Variants in MARCKSL1 observed in about 807,000 individuals in gnomAD.
The protein encoded by MARCKSL1 is MARCKS-related protein.
In MARCKSL1, 5 loss-of-function variants were observed where a neutral mutation model predicts 13.3. The observed-to-expected ratio is 0.38, with a 90% CI of 0.20 to 0.79. The LOEUF is 0.79. MARCKSL1 is among the 30% of genes least tolerant of loss of function. MARCKSL1 has a pLI of 0.45. For synonymous variants in MARCKSL1, 126 were observed against 103.2 expected (o/e 1.22, Z -1.34); for missense variants, 274 against 251.6 (o/e 1.09, Z -0.60).
In MARCKSL1 at chr1:32,334,882, G is replaced by C. The variant is rs753131596; in HGVS notation, c.303C>G (p.Ser101Arg). Reference protein sequence around the residue: ...KFSFKKPFKLSGLSFKRNRKE... With the variant: ...KFSFKKPFKLRGLSFKRNRKE... ...TCCGATTTCTCTTGAAGGACAGGCC[G>C]CTCAATTTGAAAGGCTTCTTGAAAG... The change falls in exon 2 of 2, where the codon AGC (serine) becomes AGG (arginine). Residue 101 changes from serine to arginine, a missense_variant. By Grantham distance (110) the Ser-to-Arg change is moderately radical (BLOSUM62 -1). Transcript: ENST00000329421. The C allele has an allele frequency of 2.5e-6, 4 of 1,612,344 alleles. No individual in the cohort carries two copies. Among genetic ancestry groups the C allele is most frequent in the Non-Finnish European group, 3.4e-6 (4 of 1,179,960 alleles).
rs8176777 is a variant in MARCKSL1 at position 32,335,105 on chromosome 1, G to A, written c.88-8C>T. The stretch of plus-strand genomic sequence containing the variant: ...TTTCACGTGGCCATTCTCCTGCAGG[G>A]CAGAGGGAATAGCAATGAGGGCAGG... On this transcript the variant is annotated splice_polypyrimidine_tract_variant and splice_region_variant and intron_variant, in intron 1 of 1. Coordinates refer to ENST00000329421, the MANE Select transcript of MARCKSL1 (RefSeq NM_023009.7). This position sits in a 1 kb window ranked among gnomAD's most constrained non-coding sequence, Gnocchi z 4.1. The A allele has an allele frequency of 6.7e-3, 10,171 of 1,519,726 alleles. 41 individuals carry two copies. Among genetic ancestry groups the A allele is most frequent in the Non-Finnish European group, 8.1e-3 (9,151 of 1,135,614 alleles). The allele number at this position is 1,519,726 out of a possible 1,614,324, so 94.1% of individuals were successfully genotyped here.
Position 32,334,632 on chromosome 1 carries a change from C to A in MARCKSL1, c.553G>T (p.Gly185Cys). ...EPSTPSGPES[G>C]PTPASAEQNE is the part of the protein sequence containing the mutation. Reference sequence around the variant, plus strand: ...TGCTCAGCGCTGGCTGGTGTAGGGCCACTCTCCGGCCCCGAGGGAGTGGAT... The same window carrying A: ...TGCTCAGCGCTGGCTGGTGTAGGGCAACTCTCCGGCCCCGAGGGAGTGGAT... Residue 185 changes from glycine (G) to cysteine (C), a missense_variant, in exon 2 of 2, where the codon GGC becomes TGC. By Grantham distance (159) the Gly-to-Cys change is radical (BLOSUM62 -3). Coordinates refer to ENST00000329421, the MANE Select transcript of MARCKSL1 (RefSeq NM_023009.7). The A allele has an allele frequency of 6.3e-7, 1 of 1,591,050 alleles. No homozygotes were observed. The highest frequency in any genetic ancestry group is 8.6e-7 in the Non-Finnish European group (1 of 1,168,898).
In MARCKSL1 at chr1:32,335,242, G is replaced by T; in HGVS notation, c.88-145C>A. ...CAGCCTCACCCACACCCAGGATCCC[G>T]TCAAACACCTCCCTCTCGCCCCTCA... is the stretch of plus-strand genomic sequence containing the variant. On this transcript the variant is annotated intron_variant, in intron 1 of 1. Transcript: ENST00000329421. This position sits in a 1 kb window ranked among gnomAD's most constrained non-coding sequence, Gnocchi z 4.1. 1 of 917,918 alleles carries T rather than the reference G, an allele frequency of 1.1e-6. No homozygotes were observed. The highest frequency in any genetic ancestry group is 1.5e-6 in the Non-Finnish European group (1 of 684,830). The allele number at this position is 917,918 out of a possible 1,614,324, so 56.9% of individuals were successfully genotyped here.
At position 32,334,567 on chromosome 1, in the gene MARCKSL1, C is replaced by G; in HGVS notation, c.*30G>C. 1 of 1,514,662 alleles carries G rather than the reference C, an allele frequency of 6.6e-7. No individual in the cohort carries two copies. Among genetic ancestry groups the G allele is most frequent in the East Asian group, 2.3e-5 (1 of 43,570 alleles). The allele number at this position is 1,514,662 out of a possible 1,614,324, so 93.8% of individuals were successfully genotyped here. A position where few individuals can be genotyped will look rare whatever the true frequency, so the allele number is the denominator to read the frequency against. On this transcript the variant is annotated 3_prime_UTR_variant, in exon 2 of 2. Transcript: ENST00000329421. ...CACAAGGACAGCACAGTTTTTGCAG[C>G]TTAGAGATCACCCACCTGCCCCTAC...
In MARCKSL1 at chr1:32,334,891, GAA is replaced by G; in HGVS notation, c.292_293del (p.Phe98GlnfsTer17). The G allele has an allele frequency of 6.2e-7, 1 of 1,612,520 alleles. No homozygotes were observed. The highest frequency in any genetic ancestry group is 8.5e-7 in the Non-Finnish European group (1 of 1,179,996). ...KKKKFSFKKPFKLSGLSFKRN... is the reference protein window; with the variant it reads ...KKKKFSFKKPXKLSGLSFKRN... ...TCTTGAAGGACAGGCCGCTCAATTTGAAAGGCTTCTTGAAAGAGAATTTCTTC... is the reference window on the plus strand; with the variant it reads ...TCTTGAAGGACAGGCCGCTCAATTTGAGGCTTCTTGAAAGAGAATTTCTTC... On this transcript the variant is annotated frameshift_variant, in exon 2 of 2. Coordinates refer to ENST00000329421, the MANE Select transcript of MARCKSL1 (RefSeq NM_023009.7). LOFTEE classifies it high-confidence loss of function.
In MARCKSL1 at chr1:32,333,934, C is replaced by G. The variant is rs1350594258; in HGVS notation, c.*663G>C. On this transcript the variant is annotated 3_prime_UTR_variant, in exon 2 of 2. Transcript: ENST00000329421. ...TTAGAAAAAAAAAAAAAGTACAAAT[C>G]TGGGGTTTGGCCATTAAAAGTTATT... The G allele has an allele frequency of 6.6e-6, 1 of 151,982 alleles. No homozygotes were observed. Among genetic ancestry groups the G allele is most frequent in the Non-Finnish European group, 1.5e-5 (1 of 67,922 alleles). The allele number at this position is 151,982 out of a possible 1,614,324, so 9.4% of individuals were successfully genotyped here.
Position 32,334,327 on chromosome 1 carries a change from G to C in MARCKSL1, c.*270C>G. 2.7e-6 allele frequency: 1 copy of C among 366,200 alleles called. No homozygotes were observed. Among genetic ancestry groups the C allele is most frequent in the Middle Eastern group, 6.9e-4 (1 of 1,442 alleles). The allele number at this position is 366,200 out of a possible 1,614,324, so 22.7% of individuals were successfully genotyped here. ...ATGCAGGGGTGGGGACAGGGAAGGA[G>C]GTAGGGCCAGGGACAGGAGCATTTC... On this transcript the variant is annotated 3_prime_UTR_variant, in exon 2 of 2. Coordinates refer to ENST00000329421, the MANE Select transcript of MARCKSL1 (RefSeq NM_023009.7).
chr1:32,334,724 G>C lies in MARCKSL1; in HGVS notation c.461C>G (p.Pro154Arg). The C allele has an allele frequency of 3.7e-6, 6 of 1,612,474 alleles. No individual in the cohort carries two copies. Among genetic ancestry groups the C allele is most frequent in the South Asian group, 1.1e-5 (1 of 90,992 alleles). ...KAAATPESQE[P>R]QAKGAEASAA... is the part of the protein sequence containing the mutation. The stretch of plus-strand genomic sequence containing the variant: ...ACTAGCCTCTGCCCCCTTGGCCTGG[G>C]GTTCCTGGCTCTCAGGGGTGGCTGC... Residue 154 changes from proline (P) to arginine (R), a missense_variant, in exon 2 of 2, where the codon CCC (proline) becomes CGC (arginine). Transcript: ENST00000329421.
Position 32,335,935 on chromosome 1 carries a change from A to C in MARCKSL1, c.87+12T>G, listed in dbSNP as rs1332496001. Reference sequence around the variant, plus strand: ...AGGAGGGGCTGGGGCCGGCCGGGCCAAGCGTACCCACCTGGCCGTTGGCCT... The same window carrying C: ...AGGAGGGGCTGGGGCCGGCCGGGCCCAGCGTACCCACCTGGCCGTTGGCCT... On this transcript the variant is annotated intron_variant, in intron 1 of 1. Coordinates refer to ENST00000329421, the MANE Select transcript of MARCKSL1 (RefSeq NM_023009.7). This position sits in a 1 kb window ranked among gnomAD's most constrained non-coding sequence, Gnocchi z 4.1. The C allele has an allele frequency of 7.8e-7, 1 of 1,283,040 alleles. No individual in the cohort carries two copies. Among genetic ancestry groups the C allele is most frequent in the Non-Finnish European group, 9.9e-7 (1 of 1,010,224 alleles). The allele number at this position is 1,283,040 out of a possible 1,614,324, so 79.5% of individuals were successfully genotyped here.
Position 32,335,877 on chromosome 1 carries a change from C to T in MARCKSL1, c.87+70G>A, listed in dbSNP as rs1570050319. The T allele has an allele frequency of 4.2e-6, 4 of 954,760 alleles. No individual in the cohort carries two copies. The highest frequency in any genetic ancestry group is 6.8e-5 in the East Asian group (2 of 29,606). 59.1% of individuals were successfully genotyped at this position (954,760 alleles called of 1,614,324 possible). ...CGGACAAAGCGCGCGGCCCCGGCCC[C>T]GGCCCCGGGCCCTAGAAGGGGCGAG... On this transcript the variant is annotated intron_variant, in intron 1 of 1. Coordinates refer to ENST00000329421, the MANE Select transcript of MARCKSL1 (RefSeq NM_023009.7). The surrounding 1 kb of genome is among the most constrained non-coding windows in gnomAD (Gnocchi z 4.1).
Position 32,334,531 on chromosome 1 carries a change from G to A in MARCKSL1, c.*66C>T, listed in dbSNP as rs1479841502. 7 of 1,476,010 alleles carry A rather than the reference G, an allele frequency of 4.7e-6. No individual in the cohort carries two copies. The highest frequency in any genetic ancestry group is 2.6e-4 in the Middle Eastern group (1 of 3,890). 91.4% of individuals were successfully genotyped at this position (1,476,010 alleles called of 1,614,324 possible). On this transcript the variant is annotated 3_prime_UTR_variant, in exon 2 of 2. Coordinates refer to ENST00000329421, the MANE Select transcript of MARCKSL1 (RefSeq NM_023009.7). ...GAAGGCAGCCAGGGCACCAGGTCCAGGCAGTGACCTCACAAGGACAGCACA... is the reference window on the plus strand; with the variant it reads ...GAAGGCAGCCAGGGCACCAGGTCCAAGCAGTGACCTCACAAGGACAGCACA...
rs773396965 is a variant in MARCKSL1 at position 32,335,150 on chromosome 1, C to T, written c.88-53G>A. The T allele has an allele frequency of 8.0e-5, 119 of 1,490,076 alleles. No homozygotes were observed. The highest frequency in any genetic ancestry group is 9.5e-5 in the Non-Finnish European group (107 of 1,121,454). The allele number at this position is 1,490,076 out of a possible 1,614,324, so 92.3% of individuals were successfully genotyped here. Reference sequence around the variant, plus strand: ...GGCAGGGGCTCCCCCTCCCCCAGCCCGCTTCTGATCCCTTCTAGAGGAAGG... The same window carrying T: ...GGCAGGGGCTCCCCCTCCCCCAGCCTGCTTCTGATCCCTTCTAGAGGAAGG... On this transcript the variant is annotated intron_variant, in intron 1 of 1. Transcript: ENST00000329421. This position sits in a 1 kb window ranked among gnomAD's most constrained non-coding sequence, Gnocchi z 4.1.
chr1:32,335,152 C>A lies in MARCKSL1; in HGVS notation c.88-55G>T. On this transcript the variant is annotated intron_variant, in intron 1 of 1. Transcript: ENST00000329421. The surrounding 1 kb of genome is among the most constrained non-coding windows in gnomAD (Gnocchi z 4.1). The stretch of plus-strand genomic sequence containing the variant: ...CAGGGGCTCCCCCTCCCCCAGCCCG[C>A]TTCTGATCCCTTCTAGAGGAAGGGG... 1.3e-6 allele frequency: 2 copies of A among 1,488,974 alleles called. No homozygotes were observed. The highest frequency in any genetic ancestry group is 1.8e-6 in the Non-Finnish European group (2 of 1,121,248). 92.2% of individuals were successfully genotyped at this position (1,488,974 alleles called of 1,614,324 possible). A position where few individuals can be genotyped will look rare whatever the true frequency, so the allele number is the denominator to read the frequency against.
rs1161099295 is a variant in MARCKSL1 at position 32,335,969 on chromosome 1, G to A, written c.65C>T (p.Ser22Phe). 4 of 1,294,644 alleles carry A rather than the reference G, an allele frequency of 3.1e-6. No homozygotes were observed. Among genetic ancestry groups the A allele is most frequent in the Admixed American group, 3.1e-5 (1 of 32,312 alleles). The allele number at this position is 1,294,644 out of a possible 1,614,324, so 80.2% of individuals were successfully genotyped here. Residue 22 changes from serine to phenylalanine, a missense_variant, in exon 1 of 2, where the codon TCC (serine) becomes TTC (phenylalanine). By Grantham distance (155) the Ser-to-Phe change is radical. Coordinates refer to ENST00000329421, the MANE Select transcript of MARCKSL1 (RefSeq NM_023009.7). This position sits in a 1 kb window ranked among gnomAD's most constrained non-coding sequence, Gnocchi z 4.1. ...DVTAEEAAGA[S>F]PAKANGQENG... ...CACCTGGCCGTTGGCCTTCGCGGGG[G>A]AAGCGCCTGCTGCCTCCTCGGCGGT...
chr1:32,335,010 C>A lies in MARCKSL1; in HGVS notation c.175G>T (p.Gly59Trp). The change falls in exon 2 of 2, where the codon GGG (glycine) becomes TGG (tryptophan). Residue 59 changes from glycine (G) to tryptophan (W), a missense_variant. Gly to Trp is a radical substitution (Grantham distance 184). Coordinates refer to ENST00000329421, the MANE Select transcript of MARCKSL1 (RefSeq NM_023009.7). This position sits in a 1 kb window ranked among gnomAD's most constrained non-coding sequence, Gnocchi z 4.1. ...PPVNGTDEAA[G>W]ATGDAIEPAP... is the part of the protein sequence containing the mutation. ...GGCTCGATGGCATCGCCAGTGGCCC[C>A]GGCTGCCTCATCTGTTCCGTTCACA... 1 of 1,603,440 alleles carries A rather than the reference C, an allele frequency of 6.2e-7. No homozygotes were observed. Among genetic ancestry groups the A allele is most frequent in the Admixed American group, 1.7e-5 (1 of 58,108 alleles).
chr1:32,334,592 CCTAG>C lies in MARCKSL1; in HGVS notation c.*1_*4del. The C allele has an allele frequency of 1.3e-6, 2 of 1,530,370 alleles. No individual in the cohort carries two copies. Among genetic ancestry groups the C allele is most frequent in the Non-Finnish European group, 1.8e-6 (2 of 1,139,006 alleles). 94.8% of individuals were successfully genotyped at this position (1,530,370 alleles called of 1,614,324 possible). On this transcript the variant is annotated 3_prime_UTR_variant, in exon 2 of 2. Transcript: ENST00000329421. ...CTTAGAGATCACCCACCTGCCCCTA[CCTAG>C]CTACTCATTCTGCTCAGCGCTGGCT...
rs749563695 is a variant in MARCKSL1, at chr1:32,334,938, T to TG, written c.246dup (p.Lys83GlnfsTer33). The TG allele has an allele frequency of 4.3e-6, 7 of 1,612,256 alleles. No homozygotes were observed. On this transcript the variant is annotated frameshift_variant, in exon 2 of 2. Transcript: ENST00000329421. LOFTEE classifies it high-confidence loss of function. ...TTCTTCTTCTTCTTGGGGGTCTCCT[T>TG]GGGGGGGACCTCCCCCTTGGCCTCA...
At position 32,334,736 on chromosome 1, in the gene MARCKSL1, T is replaced by C. The variant is rs752632459; in HGVS notation, c.449A>G (p.Glu150Gly). Residue 150 changes from glutamate (E) to glycine (G), a missense_variant, in exon 2 of 2, where the codon GAG becomes GGG. Transcript: ENST00000329421. ...CCCCTTGGCCTGGGGTTCCTGGCTC[T>C]CAGGGGTGGCTGCGGCCTTCCCTTC... ...AQEGKAAATP[E>G]SQEPQAKGAE... is the part of the protein sequence containing the mutation. 1 of 1,612,260 alleles carries C rather than the reference T, an allele frequency of 6.2e-7. No individual in the cohort carries two copies. Among genetic ancestry groups the C allele is most frequent in the Non-Finnish European group, 8.5e-7 (1 of 1,179,898 alleles).
Position 32,334,424 on chromosome 1 carries a change from T to C in MARCKSL1, c.*173A>G. On this transcript the variant is annotated 3_prime_UTR_variant, in exon 2 of 2. Coordinates refer to ENST00000329421, the MANE Select transcript of MARCKSL1 (RefSeq NM_023009.7). ...GGCCTTAAGAGGAGAACCAGATGGC[T>C]GATGGGAGAATCCACAGGAGGGAGA... 1 of 691,250 alleles carries C rather than the reference T, an allele frequency of 1.4e-6. No homozygotes were observed. Among genetic ancestry groups the C allele is most frequent in the South Asian group, 2.9e-5 (1 of 34,600 alleles). 42.8% of individuals were successfully genotyped at this position (691,250 alleles called of 1,614,324 possible). A position where few individuals can be genotyped will look rare whatever the true frequency, so the allele number is the denominator to read the frequency against.
Sources: gnomAD v4.1 joint callset for allele counts on GRCh38, gnomAD v4.1.1 for gene constraint, Gnocchi (gnomAD v3.1) non-coding constraint, MANE v1.5 for transcripts, NCBI Gene and HGNC (gene_info 2026-07-23, HGNC 2026-07-21) for gene names.